The following CNTNAP2 variants were observed in gnomAD, a reference collection of about 807,000 sequenced individuals.
The protein encoded by CNTNAP2 is contactin associated protein 2, also known as contactin-associated protein-like 2.
A neutral mutation model predicts 155.2 loss-of-function variants in CNTNAP2; 98 were observed. That is an observed-to-expected ratio of 0.63 (90% CI 0.54 to 0.75). The LOEUF (loss-of-function observed/expected upper bound fraction) is 0.75. Among genes scored for constraint, CNTNAP2 ranks in the 30% least tolerant of loss-of-function variants. The pLI is 0.00. For missense variants in CNTNAP2, 1,727 were observed against 1,688.1 expected (o/e 1.02, Z -0.40); for synonymous variants, 651 against 631.2 (o/e 1.03, Z -0.47).
intron 13 of CNTNAP2, among the ~76,000 whole-genome samples, chr7:147,717,709 G>C (rs754618216): frequency 3.3e-4 from 50 of 151,992 alleles, no homozygotes; most frequent in Non-Finnish European, 6.9e-4. Flanking sequence ...AAAAAATTTT[G>C]AGGAGAATTT....
chr7:146,301,065 C>A (rs1800600273), intron 1 of CNTNAP2, among the ~76,000 whole-genome samples: 1 of 152,026 alleles, frequency 6.6e-6, no homozygotes, highest in Non-Finnish European at 1.5e-5. Flanking sequence ...AGTTAAGAGA[C>A]CATACTTCAG....
chr7:148,263,086 C>A (rs1796591994), intron 20 of CNTNAP2: 1 of 152,200 alleles, frequency 6.6e-6, no homozygotes. Context: ...CGTAAGGACG[C>A]CTTGCTCGTG....
rs138099130 is a variant in CNTNAP2 at position 146,376,762 on chromosome 7, T to C, written c.97+259789T>C. Among the ~76,000 whole-genome samples the C allele has an allele frequency of 2.4e-4, 36 of 152,264 alleles. No individual in the cohort carries two copies. In the East Asian group the frequency reaches 7.0e-3, roughly 30 times the overall value. ...TGATAATATTAAGAGGTAGGGACTT[T>C]AGGGAGTGATTATGTCATGAAGGCT... On this transcript the variant is annotated intron_variant, in intron 1 of 23. Coordinates refer to ENST00000361727, the MANE Select transcript of CNTNAP2 (RefSeq NM_014141.6).
chr7:147,816,278 G>C (rs982314883), intron 13 of CNTNAP2, among the ~76,000 whole-genome samples: 43 of 152,280 alleles, frequency 2.8e-4, no homozygotes, highest in African/African-American at 8.9e-4. Context: ...GAGCTGGAGG[G>C]CTTGAGAGAG....
intron 14 of CNTNAP2, among the ~76,000 whole-genome samples, chr7:147,948,206 G>T (rs533146600): frequency 6.0e-5 from 9 of 149,134 alleles, no homozygotes; most frequent in Non-Finnish European, 7.4e-5. Flanking sequence ...TTAATGAGTA[G>T]AAAAAAATAG....
chr7:147,187,096 T>G (rs114076930), intron 8 of CNTNAP2, among the ~76,000 whole-genome samples: 1 of 152,180 alleles, frequency 6.6e-6, no homozygotes. Context: ...ATGTCAGTGA[T>G]GGTGAAGCTG....
rs147263602 is a variant in CNTNAP2, at chr7:147,745,652, G to A, written c.2098+106346G>A. ...AGAATATATTTCTTTATAACCAATC[G>A]AGAAATGTGACTATAATGAAGTCAG... is the stretch of plus-strand genomic sequence containing the variant. On this transcript the variant is annotated intron_variant, in intron 13 of 23. Transcript: ENST00000361727. 1.9e-3 allele frequency among the ~76,000 whole-genome samples: 285 copies of A among 152,180 alleles called. 4 individuals carry two copies. Among genetic ancestry groups the A allele is most frequent in the Non-Finnish European group, 6.6e-4 (45 of 68,012 alleles).
In CNTNAP2 at chr7:147,980,086, C is replaced by T. The variant is rs1418156766; in HGVS notation, c.2383+2097C>T. 3.3e-5 allele frequency among the ~76,000 whole-genome samples: 5 copies of T among 152,112 alleles called. No individual in the cohort carries two copies. The East Asian group carries it at 9.6e-4, about 29-fold the overall frequency. On this transcript the variant is annotated intron_variant, in intron 15 of 23. Coordinates refer to ENST00000361727, the MANE Select transcript of CNTNAP2 (RefSeq NM_014141.6). Reference sequence around the variant, plus strand: ...GAGGCTGTCATTCATCTAGAACTTTCCTAGGTGCTCTGGAAAGTAAGAAAA... The same window carrying T: ...GAGGCTGTCATTCATCTAGAACTTTTCTAGGTGCTCTGGAAAGTAAGAAAA...
chr7:147,268,381 AG>A (rs1412113819), intron 8 of CNTNAP2, among the ~76,000 whole-genome samples: 1 of 152,206 alleles, frequency 6.6e-6, no homozygotes, highest in Non-Finnish European at 1.5e-5. Flanking sequence ...ACATGGATGA[AG>A]CTGGAAACCA....
chr7:147,672,094 C>T (rs1795796706), intron 13 of CNTNAP2: 1 of 152,082 alleles, frequency 6.6e-6, no homozygotes, highest in South Asian at 2.1e-4. Context: ...TGAAGGCAAT[C>T]CTTAGCTTTA....
intron 15 of CNTNAP2, among the ~76,000 whole-genome samples, chr7:148,048,090 A>ATT (rs376394968): frequency 1.0e-3 from 145 of 145,280 alleles, no homozygotes; most frequent in African/African-American, 2.6e-3. Context: ...TGCCCAGCTA[A>ATT]TTTTTTTTTT....
chr7:148,066,423 T>G (rs920641944), intron 15 of CNTNAP2, among the ~76,000 whole-genome samples: 7 of 152,178 alleles, frequency 4.6e-5, no homozygotes, highest in African/African-American at 1.4e-4. Context: ...CACCAGTTAT[T>G]CTTAGGTTTG....
At chr7:147,369,517 C>T (rs1796305959) in intron 9 of CNTNAP2, among the ~76,000 whole-genome samples, 1 of 152,190 alleles carries the variant, frequency 6.6e-6, no homozygotes, top group Non-Finnish European at 1.5e-5. Context: ...ACTTTTCTTT[C>T]TCGCTCCCTT....
At chr7:146,749,657 T>A (rs1228766600) in intron 1 of CNTNAP2, among the ~76,000 whole-genome samples, 1 of 150,820 alleles carries the variant, frequency 6.6e-6, no homozygotes, top group African/African-American at 2.5e-5. Context: ...AGAAAAGAGA[T>A]GATAAAACCC....
intron 1 of CNTNAP2, among the ~76,000 whole-genome samples, chr7:146,723,132 G>T (rs1407773351): frequency 6.6e-6 from 1 of 152,152 alleles, no homozygotes; most frequent in Non-Finnish European, 1.5e-5. Context: ...GGGTGTTGGG[G>T]TAGGCACTAA....
At chr7:146,663,032 CTT>C (rs1309552812) in intron 1 of CNTNAP2, among the ~76,000 whole-genome samples, 2 of 152,022 alleles carry the variant, frequency 1.3e-5, no homozygotes, top group African/African-American at 4.8e-5. Flanking sequence ...AATTCCAGCA[CTT>C]TGGAAGGCTA....
intron 1 of CNTNAP2, among the ~76,000 whole-genome samples, chr7:146,721,810 G>GACTACA: frequency 9.1e-6 from 1 of 110,338 alleles, no homozygotes; most frequent in African/African-American, 4.2e-5. Context: ...ACTATATATA[G>GACTACA]TCTATATATG....
At chr7:146,914,877 C>G (rs1585155390) in intron 3 of CNTNAP2, among the ~76,000 whole-genome samples, 1 of 151,858 alleles carries the variant, frequency 6.6e-6, no homozygotes, top group East Asian at 1.9e-4. Context: ...GGTTCTTGGT[C>G]ATGAAGTCTT....
chr7:146,729,173 A>G (rs1406316906), intron 1 of CNTNAP2, among the ~76,000 whole-genome samples: 2 of 152,124 alleles, frequency 1.3e-5, no homozygotes, highest in African/African-American at 4.8e-5. Flanking sequence ...CAGCACAGCA[A>G]ACCTGTTCTT....
Sources: allele counts gnomAD v4.1 joint callset (sites outside exome capture counted in the v4.1 genomes callset), GRCh38; gene constraint gnomAD v4.1.1; transcripts MANE v1.5; gene names NCBI Gene and HGNC (gene_info 2026-07-23, HGNC 2026-07-21).